LETM1: variants seen among roughly 807,000 people sequenced by gnomAD.
LETM1 encodes leucine zipper and EF-hand containing transmembrane protein 1.
LETM1 carries 50 observed loss-of-function variants against 74.5 expected under a neutral mutation model. The ratio of observed to expected loss-of-function variants is 0.67; its 90% CI spans 0.53 to 0.85. The LOEUF (loss-of-function observed/expected upper bound fraction) is 0.85, where lower values mean the gene tolerates loss of function less well. Ranked by LOEUF, LETM1 falls within the 40% of genes least tolerant of loss-of-function variation. The pLI, the probability that LETM1 is intolerant of heterozygous loss-of-function variation, is 0.00. For synonymous variants in LETM1, 446 were observed against 407.1 expected (o/e 1.10, Z -1.15); for missense variants, 824 against 967.8 (o/e 0.85, Z 1.97).
intron 5 of LETM1, 104 bp from the exon 6 acceptor site, chr4:1,833,051 C>T (rs535732169): frequency 4.3e-6 from 4 of 935,382 alleles, no homozygotes; most frequent in South Asian, 2.9e-5. Flanking sequence ...TCCTCAGGGA[C>T]TCAAACCACT....
chr4:1,853,196 C>T (rs747634236), intron 1 of LETM1, among the ~76,000 whole-genome samples: 7 of 151,936 alleles, frequency 4.6e-5, no homozygotes, highest in Non-Finnish European at 1.0e-4. Flanking sequence ...GAGGCCACCT[C>T]TCCCACACAG....
chr4:1,821,314 G>A (rs936995863), intron 10 of LETM1, among the ~76,000 whole-genome samples: 1 of 151,394 alleles, frequency 6.6e-6, no homozygotes, highest in African/African-American at 2.4e-5. Context: ...GGATGGTCTC[G>A]ATCTCCTGAC....
intron 6 of LETM1, among the ~76,000 whole-genome samples, chr4:1,829,835 C>CA (rs766493294): frequency 2.0e-5 from 3 of 151,880 alleles, no homozygotes; most frequent in African/African-American, 7.2e-5. Flanking sequence ...CCCCAAAACC[C>CA]AAAAAAAGAC....
At chr4:1,841,283 A>T in intron 3 of LETM1, 64 bp downstream of exon 3, 1 of 1,473,992 alleles carries the variant, frequency 6.8e-7, no homozygotes, top group Non-Finnish European at 9.3e-7. Flanking sequence ...AAATTGCGCC[A>T]CTGCACTCCA....
chr4:1,816,020 G>A (rs1711560388), intron 12 of LETM1, among the ~76,000 whole-genome samples: 2 of 152,262 alleles, frequency 1.3e-5, no homozygotes, highest in South Asian at 4.1e-4. Context: ...ACACCACCAG[G>A]TCCAGGGTTT....
At chr4:1,822,960 C>T (rs371166465) in intron 9 of LETM1, 28 bp downstream of exon 9, 19 of 1,444,688 alleles carry the variant, frequency 1.3e-5, no homozygotes, top group East Asian at 5.3e-5. Flanking sequence ...GACAGCCCCA[C>T]GCGGCACGGA....
In LETM1 at chr4:1,822,314, T is replaced by C; in HGVS notation, c.1477-2A>G. The C allele has an allele frequency of 1.3e-6, 2 of 1,494,598 alleles. No homozygotes were observed. Among genetic ancestry groups the C allele is most frequent in the South Asian group, 1.3e-5 (1 of 74,126 alleles). The allele number at this position is 1,494,598 out of a possible 1,614,324, so 92.6% of individuals were successfully genotyped here. A position where few individuals can be genotyped will look rare whatever the true frequency, so the allele number is the denominator to read the frequency against. On this transcript the variant is annotated splice_acceptor_variant, in intron 9 of 13. Coordinates refer to ENST00000302787, the MANE Select transcript of LETM1 (RefSeq NM_012318.3). LOFTEE classifies it high-confidence loss of function. ...CACACGTTCGGGCTCAAAATCCTTC[T>C]GAAAGGCAAGGCGACACCAGCCCAG... is the stretch of plus-strand genomic sequence containing the variant.
intron 1 of LETM1, among the ~76,000 whole-genome samples, chr4:1,851,150 A>C (rs1401676349): frequency 6.6e-6 from 1 of 152,176 alleles, no homozygotes; most frequent in Non-Finnish European, 1.5e-5. Flanking sequence ...CATGCTGGGA[A>C]CAAGACAGGA....
intron 5 of LETM1, chr4:1,833,157 C>T (rs1712340442): frequency 3.6e-6 from 2 of 562,952 alleles, no homozygotes; most frequent in Non-Finnish European, 6.4e-6. Context: ...CTGCAACCTC[C>T]ACCTCCTGGG....
At chr4:1,827,743 C>T (rs1182065082) in intron 6 of LETM1, among the ~76,000 whole-genome samples, 2 of 146,674 alleles carry the variant, frequency 1.4e-5, no homozygotes, top group African/African-American at 2.6e-5. Flanking sequence ...CCACCTTTCC[C>T]GCCTTTCTAT....
chr4:1,815,358 A>G (rs1711533183), intron 13 of LETM1, among the ~76,000 whole-genome samples: 1 of 152,108 alleles, frequency 6.6e-6, no homozygotes, highest in African/African-American at 2.4e-5. Context: ...GGGGCCCCTG[A>G]GAGGTGTTTG....
intron 2 of LETM1, among the ~76,000 whole-genome samples, chr4:1,844,193 G>A (rs1712802163): frequency 6.6e-6 from 1 of 152,182 alleles, no homozygotes; most frequent in African/African-American, 2.4e-5. Context: ...CAGGGGCCTG[G>A]TCCTCACCAC....
At position 1,812,666 on chromosome 4, in the gene LETM1, A is replaced by G. The variant is rs936369931; in HGVS notation, c.*1758T>C. The G allele has an allele frequency of 1.4e-5, 2 of 146,464 alleles. No individual in the cohort carries two copies. The highest frequency in any genetic ancestry group is 2.9e-5 in the Non-Finnish European group (2 of 67,974). 9.1% of individuals were successfully genotyped at this position (146,464 alleles called of 1,614,324 possible). Reference sequence around the variant, plus strand: ...AAATGCACACAGAACGATGAGGGAGAATGACGAGGGAGAATGACGAGGGAG... The same window carrying G: ...AAATGCACACAGAACGATGAGGGAGGATGACGAGGGAGAATGACGAGGGAG... On this transcript the variant is annotated 3_prime_UTR_variant, in exon 14 of 14. Coordinates refer to ENST00000302787, the MANE Select transcript of LETM1 (RefSeq NM_012318.3).
intron 6 of LETM1, among the ~76,000 whole-genome samples, chr4:1,829,359 C>A (rs1487178884): frequency 2.0e-5 from 3 of 151,780 alleles, no homozygotes; most frequent in African/African-American, 7.3e-5. Flanking sequence ...GACCCCCCCA[C>A]CTCCCTCCCG....
Position 1,830,001 on chromosome 4 carries a change from C to T in LETM1, c.1080+2743G>A, listed in dbSNP as rs187431212. On this transcript the variant is annotated intron_variant, in intron 6 of 13. Coordinates refer to ENST00000302787, the MANE Select transcript of LETM1 (RefSeq NM_012318.3). ...TTTATCCTACTCAGGGTTCACTCAG[C>T]TTCTGAAATTTGCAGATTTACATCT... Among the ~76,000 whole-genome samples the T allele has an allele frequency of 3.3e-5, 5 of 152,318 alleles. No homozygotes were observed. In the East Asian group the frequency reaches 9.6e-4, roughly 29 times the overall value.
At chr4:1,825,735 AGT>A (rs752013521) in intron 6 of LETM1, 52 bp from the exon 7 acceptor site, 9 of 1,558,228 alleles carry the variant, frequency 5.8e-6, no homozygotes, top group Non-Finnish European at 7.9e-6. Flanking sequence ...GGTGGGTGAC[AGT>A]GTCTGTGTGA....
intron 1 of LETM1, among the ~76,000 whole-genome samples, chr4:1,850,239 A>G (rs1331953793): frequency 6.6e-6 from 1 of 152,180 alleles, no homozygotes. Context: ...TGAGTGTTGG[A>G]AGGTTTCAGA....
intron 1 of LETM1, 137 bp from the exon 2 acceptor site, chr4:1,849,346 C>G (rs935970174): frequency 7.8e-6 from 5 of 639,562 alleles, no homozygotes; most frequent in East Asian, 2.9e-5. Context: ...CTCACTGCAA[C>G]CTCCACCTCC....
At chr4:1,819,222 T>TA in intron 11 of LETM1, 116 bp downstream of exon 11, 1 of 1,088,878 alleles carries the variant, frequency 9.2e-7, no homozygotes, top group Non-Finnish European at 1.3e-6. Context: ...CCTCTCCAAA[T>TA]ACTCTTTGGC....
Sources: allele counts gnomAD v4.1 joint callset (sites outside exome capture counted in the v4.1 genomes callset), GRCh38; gene constraint gnomAD v4.1.1; transcripts MANE v1.5; gene names NCBI Gene and HGNC (gene_info 2026-07-23, HGNC 2026-07-21).